CNTNAP5: variants seen among roughly 807,000 people sequenced by gnomAD.
CNTNAP5 encodes the protein contactin-associated protein-like 5.
Under a neutral mutation model 150.2 loss-of-function variants are expected in CNTNAP5, and 72 were observed. That is an observed-to-expected ratio of 0.48 (90% CI 0.40 to 0.58). CNTNAP5 has a LOEUF of 0.58. Ranked by LOEUF, CNTNAP5 falls within the 20% of genes least tolerant of loss-of-function variation. CNTNAP5 has a pLI of 0.00. For missense variants in CNTNAP5, 1,636 were observed against 1,626.2 expected, an observed-to-expected ratio of 1.01 and a Z score of -0.10; for synonymous variants, 672 against 619.8, an observed-to-expected ratio of 1.08 and a Z score of -1.25.
chr2:124,071,633 T>G (rs1682307334), intron 1 of CNTNAP5, among the ~76,000 whole-genome samples: 1 of 151,718 alleles, frequency 6.6e-6, no homozygotes, highest in South Asian at 2.1e-4. Flanking sequence ...TTCCTAGACA[T>G]ACACAGCCTG....
intron 3 of CNTNAP5, among the ~76,000 whole-genome samples, chr2:124,284,475 G>A (rs1380298743): frequency 2.0e-5 from 3 of 152,058 alleles, no homozygotes; most frequent in African/African-American, 7.2e-5. Flanking sequence ...ATGGGGGAAG[G>A]GAGAGCATCA....
intron 5 of CNTNAP5, among the ~76,000 whole-genome samples, chr2:124,445,587 A>G (rs375683240): frequency 2.0e-5 from 3 of 152,180 alleles, no homozygotes; most frequent in South Asian, 2.1e-4. Flanking sequence ...TTCTAACCCT[A>G]TATGAAGCAA....
chr2:124,774,494 T>C (rs1452270270), intron 17 of CNTNAP5, among the ~76,000 whole-genome samples: 1 of 152,192 alleles, frequency 6.6e-6, no homozygotes, highest in Admixed American at 6.5e-5. Flanking sequence ...ATCAAAACAG[T>C]TTTGTGATTG....
rs79364252 is a variant in CNTNAP5, at chr2:124,916,399, G to T, written c.*2111G>T. Among the ~76,000 whole-genome samples, 1 of 151,744 alleles carries T rather than the reference G, an allele frequency of 6.6e-6. No individual in the cohort carries two copies. Among genetic ancestry groups the T allele is most frequent in the Non-Finnish European group, 1.5e-5 (1 of 67,942 alleles). On this transcript the variant is annotated 3_prime_UTR_variant, in exon 24 of 24. Transcript: ENST00000682447. ...TTGAATTTTCTATTTCCATAAAAAG[G>T]CTATATAAATCAGCCTTTTGCTTGG...
At chr2:124,653,896 C>A (rs1678372799) in intron 13 of CNTNAP5, among the ~76,000 whole-genome samples, 1 of 132,464 alleles carries the variant, frequency 7.5e-6, no homozygotes, top group African/African-American at 2.9e-5. Flanking sequence ...CAGAAACATG[C>A]CCCCACTGCC....
chr2:124,885,487 G>A (rs534974679), intron 21 of CNTNAP5, among the ~76,000 whole-genome samples: 3 of 149,948 alleles, frequency 2.0e-5, no homozygotes, highest in East Asian at 2.0e-4. Context: ...CAATTCAGAG[G>A]CATTTAGTAT....
At chr2:124,330,853 T>G (rs1455029964) in intron 3 of CNTNAP5, among the ~76,000 whole-genome samples, 5 of 152,172 alleles carry the variant, frequency 3.3e-5, no homozygotes, top group African/African-American at 1.2e-4. Context: ...AAAAATGTCT[T>G]TTTGCATCTG....
chr2:124,837,703 G>A (rs1333369810), intron 19 of CNTNAP5, among the ~76,000 whole-genome samples: 3 of 152,028 alleles, frequency 2.0e-5, no homozygotes, highest in Non-Finnish European at 4.4e-5. Flanking sequence ...AAGAACCACT[G>A]GTTCCTTTCT....
At chr2:124,592,198 T>C (rs1696700599) in intron 11 of CNTNAP5, among the ~76,000 whole-genome samples, 2 of 152,150 alleles carry the variant, frequency 1.3e-5, no homozygotes, top group Non-Finnish European at 1.5e-5. Flanking sequence ...AACATCTTTT[T>C]TCCCCCATTT....
intron 6 of CNTNAP5, among the ~76,000 whole-genome samples, chr2:124,468,472 C>A (rs1265520688): frequency 1.3e-5 from 2 of 152,074 alleles, no homozygotes; most frequent in Admixed American, 6.6e-5. Flanking sequence ...CTTCCATCTT[C>A]TTCTGTCTGG....
At chr2:124,818,525 C>T (rs1442799394) in intron 19 of CNTNAP5, among the ~76,000 whole-genome samples, 2 of 152,106 alleles carry the variant, frequency 1.3e-5, no homozygotes, top group African/African-American at 4.8e-5. Flanking sequence ...GTATGAGAAC[C>T]TGTCTCTTAA....
At chr2:124,460,058 A>G (rs181875769) in intron 6 of CNTNAP5, among the ~76,000 whole-genome samples, 3 of 152,342 alleles carry the variant, frequency 2.0e-5, no homozygotes, top group East Asian at 3.9e-4. Flanking sequence ...AGGCAATCCT[A>G]TATGTTCTGA....
intron 12 of CNTNAP5, among the ~76,000 whole-genome samples, chr2:124,624,229 C>T (rs1257113419): frequency 6.6e-6 from 1 of 152,210 alleles, no homozygotes; most frequent in African/African-American, 2.4e-5. Context: ...AAAGCATTGT[C>T]ACCTTTGAGT....
intron 12 of CNTNAP5, among the ~76,000 whole-genome samples, chr2:124,626,895 G>A (rs1400201466): frequency 6.6e-6 from 1 of 152,108 alleles, no homozygotes; most frequent in Non-Finnish European, 1.5e-5. Flanking sequence ...CATTACTGTG[G>A]CTTTAGTTTT....
intron 17 of CNTNAP5, among the ~76,000 whole-genome samples, chr2:124,779,803 G>T (rs1477068349): frequency 6.6e-6 from 1 of 152,070 alleles, no homozygotes; most frequent in African/African-American, 2.4e-5. Context: ...AGACTTTGAT[G>T]AGTCAGATGA....
chr2:124,492,122 G>A (rs747134274), intron 7 of CNTNAP5, among the ~76,000 whole-genome samples: 4 of 151,988 alleles, frequency 2.6e-5, no homozygotes, highest in Non-Finnish European at 5.9e-5. Flanking sequence ...TTAGTTTGAT[G>A]TAATCCCACA....
At chr2:124,032,690 ATTTGT>A (rs1681089580) in intron 1 of CNTNAP5, among the ~76,000 whole-genome samples, 1 of 152,164 alleles carries the variant, frequency 6.6e-6, no homozygotes, top group Non-Finnish European at 1.5e-5. Flanking sequence ...TACATTTTAC[ATTTGT>A]AAAATGTATT....
At chr2:124,279,753 G>C (rs1244643534) in intron 3 of CNTNAP5, among the ~76,000 whole-genome samples, 1 of 152,070 alleles carries the variant, frequency 6.6e-6, no homozygotes, top group South Asian at 2.1e-4. Context: ...AAGGATGTGA[G>C]AGGAGTCACA....
intron 16 of CNTNAP5, among the ~76,000 whole-genome samples, chr2:124,771,909 CACCATT>C (rs1039970590): frequency 2.0e-5 from 3 of 151,930 alleles, no homozygotes; most frequent in African/African-American, 7.2e-5. Context: ...CTATCACTAT[CACCATT>C]ACCCCCCTCA....
Sources: allele counts gnomAD v4.1 joint callset (sites outside exome capture counted in the v4.1 genomes callset), GRCh38; gene constraint gnomAD v4.1.1; transcripts MANE v1.5; gene names NCBI Gene and HGNC (gene_info 2026-07-23, HGNC 2026-07-21).